Variants in CROT observed in about 807,000 individuals in gnomAD.
The protein encoded by CROT is peroxisomal carnitine O-octanoyltransferase.
In CROT, 84 loss-of-function variants were observed where a neutral mutation model predicts 89.2. The ratio of observed to expected loss-of-function variants is 0.94; its 90% CI spans 0.79 to 1.13. CROT has a LOEUF of 1.13. CROT is among the 50% of genes most tolerant of loss of function. The pLI is 0.00. For missense variants in CROT, 711 were observed against 727.8 expected, an observed-to-expected ratio of 0.98 and a Z score of 0.27; for synonymous variants, 212 against 239.5, an observed-to-expected ratio of 0.89 and a Z score of 1.06.
intron 17 of CROT, 107 bp from the exon 18 acceptor site, chr7:87,398,417 T>C: frequency 7.3e-7 from 1 of 1,368,732 alleles, no homozygotes; most frequent in Non-Finnish European, 1.0e-6. Flanking sequence ...TCAGCAAGAC[T>C]TCACATTTCA....
intron 6 of CROT, among the ~76,000 whole-genome samples, chr7:87,367,524 C>A (rs1806484480): frequency 6.6e-6 from 1 of 152,168 alleles, no homozygotes; most frequent in Non-Finnish European, 1.5e-5. Context: ...GTTTTTGCAA[C>A]CAGTGAAAAT....
chr7:87,398,818 C>A lies in CROT; in HGVS notation c.*174C>A. 1.6e-6 allele frequency: 1 copy of A among 630,326 alleles called. No homozygotes were observed. The allele number at this position is 630,326 out of a possible 1,614,324, so 39.0% of individuals were successfully genotyped here. A position where few individuals can be genotyped will look rare whatever the true frequency, so the allele number is the denominator to read the frequency against. On this transcript the variant is annotated 3_prime_UTR_variant, in exon 18 of 18. Transcript: ENST00000331536. ...ATCATGCTCTCTAAATTTATTCTGC[C>A]ATAGAAGGTAGAAATATTTTTAAGC...
chr7:87,377,629 G>A (rs1806852865), intron 10 of CROT, among the ~76,000 whole-genome samples, 179 bp downstream of exon 10: 1 of 152,136 alleles, frequency 6.6e-6, no homozygotes, highest in Admixed American at 6.5e-5. Flanking sequence ...ATTTTCTTCT[G>A]TAGTAAGGCC....
chr7:87,386,654 G>A (rs1807191904), intron 13 of CROT, among the ~76,000 whole-genome samples: 1 of 152,158 alleles, frequency 6.6e-6, no homozygotes, highest in Non-Finnish European at 1.5e-5. Context: ...TGGACTTGGA[G>A]TGTCTGCAAC....
chr7:87,369,516 G>A, intron 7 of CROT, 32 bp downstream of exon 7: 1 of 1,419,108 alleles, frequency 7.0e-7, no homozygotes, highest in Non-Finnish European at 9.8e-7. Flanking sequence ...GTTTCATTAG[G>A]TCTTATGGTG....
chr7:87,393,510 G>A (rs544481182), intron 17 of CROT, among the ~76,000 whole-genome samples: 1 of 152,242 alleles, frequency 6.6e-6, no homozygotes, highest in South Asian at 2.1e-4. Context: ...AGTTCACTTG[G>A]GCTGTGTGGA....
chr7:87,348,067 T>A (rs182252051), intron 2 of CROT, among the ~76,000 whole-genome samples: 10 of 152,360 alleles, frequency 6.6e-5, no homozygotes, highest in Non-Finnish European at 1.3e-4. Context: ...CTGTAACCTA[T>A]GAGTGGAATA....
At chr7:87,376,694 GTGT>G (rs1315749129) in intron 9 of CROT, among the ~76,000 whole-genome samples, 1 of 150,966 alleles carries the variant, frequency 6.6e-6, no homozygotes, top group African/African-American at 2.4e-5. Context: ...TTTTAATGCA[GTGT>G]TGTTCAAAGT....
At chr7:87,348,826 A>T (rs1805779802) in intron 2 of CROT, among the ~76,000 whole-genome samples, 1 of 152,276 alleles carries the variant, frequency 6.6e-6, no homozygotes, top group Non-Finnish European at 1.5e-5. Flanking sequence ...TAATTATACC[A>T]GTCCCACTGA....
At chr7:87,388,918 A>T (rs940266574) in intron 13 of CROT, among the ~76,000 whole-genome samples, 1 of 152,210 alleles carries the variant, frequency 6.6e-6, no homozygotes, top group African/African-American at 2.4e-5. Context: ...AGGAACTTAA[A>T]CAAATTTACA....
chr7:87,382,950 T>G (rs973182121), intron 13 of CROT, among the ~76,000 whole-genome samples: 2 of 152,220 alleles, frequency 1.3e-5, no homozygotes, highest in African/African-American at 4.8e-5. Flanking sequence ...TAAGAAGAAG[T>G]AGAAGTCCCT....
chr7:87,351,226 G>A lies in CROT; in HGVS notation c.115+2043G>A, dbSNP rs541193788. 3.9e-4 allele frequency among the ~76,000 whole-genome samples: 58 copies of A among 149,250 alleles called. 2 individuals are homozygous for A. The South Asian group carries it at 9.2e-3, about 24-fold the overall frequency. ...CAGGAGCCTGAGACAGGAGAATGGC[G>A]TGAACCCGGGAGGCAGAGCTTGCAG... On this transcript the variant is annotated intron_variant, in intron 3 of 17. Coordinates refer to ENST00000331536, the MANE Select transcript of CROT (RefSeq NM_021151.4).
intron 6 of CROT, among the ~76,000 whole-genome samples, chr7:87,363,951 T>C (rs1806360657): frequency 6.6e-6 from 1 of 152,096 alleles, no homozygotes; most frequent in African/African-American, 2.4e-5. Flanking sequence ...AAGAGAAAAA[T>C]AGGAATCAGA....
intron 17 of CROT, 148 bp downstream of exon 17, chr7:87,393,215 A>G (rs935211309): frequency 2.4e-6 from 2 of 831,362 alleles, no homozygotes; most frequent in African/African-American, 3.4e-5. Flanking sequence ...TAGGCATTTA[A>G]TGCATATTCA....
At chr7:87,345,827 T>TTAAGTCGTGCAGAACAGGGA (rs59240091) in intron 1 of CROT, 60 bp downstream of exon 1, 8,027 of 195,906 alleles carry the variant, frequency 0.041, 476 homozygotes, top group African/African-American at 0.14. Context: ...CGGGGGAAAG[T>TTAAGTCGTGCAGAACAGGGA]TAAGTCGTGC....
At chr7:87,387,954 T>C (rs1282184644) in intron 13 of CROT, among the ~76,000 whole-genome samples, 2 of 152,086 alleles carry the variant, frequency 1.3e-5, no homozygotes, top group Non-Finnish European at 2.9e-5. Context: ...TTTGGCACCA[T>C]TGAGTAGGAC....
intron 3 of CROT, among the ~76,000 whole-genome samples, chr7:87,353,189 C>G (rs957099703): frequency 2.0e-5 from 3 of 151,856 alleles, no homozygotes; most frequent in Admixed American, 1.3e-4. Context: ...GTTCCGTTGC[C>G]CAGGCTGGAG....
chr7:87,362,088 A>G (rs1806295291), intron 6 of CROT, among the ~76,000 whole-genome samples: 1 of 152,220 alleles, frequency 6.6e-6, no homozygotes, highest in Admixed American at 6.5e-5. Flanking sequence ...TCATCATTTG[A>G]AAGTTTAAAG....
At chr7:87,380,823 A>G (rs570829628) in intron 10 of CROT, among the ~76,000 whole-genome samples, 1 of 152,338 alleles carries the variant, frequency 6.6e-6, no homozygotes, top group East Asian at 1.9e-4. Context: ...ATATTTGATA[A>G]TATCTGAAAA....
Sources: gnomAD v4.1 joint callset for allele counts (sites outside exome capture counted in the v4.1 genomes callset) on GRCh38, gnomAD v4.1.1 for gene constraint, MANE v1.5 for transcripts, NCBI Gene and HGNC (gene_info 2026-07-23, HGNC 2026-07-21) for gene names.